CNTN2: variants seen among roughly 807,000 people sequenced by gnomAD.
CNTN2 encodes contactin-2.
CNTN2 carries 53 observed loss-of-function variants against 117.5 expected under a neutral mutation model. The observed-to-expected ratio is 0.45, with a 90% CI of 0.36 to 0.57. The LOEUF (loss-of-function observed/expected upper bound fraction) is 0.57, where lower values mean the gene tolerates loss of function less well. Among genes scored for constraint, CNTN2 ranks in the 20% least tolerant of loss-of-function variants. CNTN2 has a pLI of 0.00. For synonymous variants in CNTN2, 530 were observed against 561.7 expected, an observed-to-expected ratio of 0.94 and a Z score of 0.80; for missense variants, 1,106 against 1,404.3, an observed-to-expected ratio of 0.79 and a Z score of 3.39.
chr1:205,066,968 T>TACTG, intron 15 of CNTN2, 133 bp from the exon 16 acceptor site: 2 of 1,115,856 alleles, frequency 1.8e-6, no homozygotes, highest in Admixed American at 5.5e-5. Flanking sequence ...CTGAAAAAGG[T>TACTG]ACTGAGTGCT....
rs749902758 is a variant in CNTN2 at position 205,062,033 on chromosome 1, A to G, written c.1110+32A>G. 5.6e-6 allele frequency: 9 copies of G among 1,608,182 alleles called. No homozygotes were observed. The East Asian group carries it at 2.0e-4, about 36-fold the overall frequency. On this transcript the variant is annotated intron_variant, in intron 9 of 22. Coordinates refer to ENST00000331830, the MANE Select transcript of CNTN2 (RefSeq NM_005076.5). ...GACATGGGGCTTCCCCCGACACATCACAACTGTCCTCTGCTCACTTGGTTC... is the reference window on the plus strand; with the variant it reads ...GACATGGGGCTTCCCCCGACACATCGCAACTGTCCTCTGCTCACTTGGTTC...
chr1:205,062,066 C>A (rs574440256), intron 9 of CNTN2, 65 bp downstream of exon 9: 1 of 1,561,004 alleles, frequency 6.4e-7, no homozygotes, highest in South Asian at 1.2e-5. Context: ...TTCCCTCCCC[C>A]GCCCAGAACT....
intron 1 of CNTN2, 34 bp from the exon 2 acceptor site, chr1:205,053,058 CGCTCCTCG>C (rs1470568936): frequency 1.7e-6 from 1 of 581,632 alleles, no homozygotes; most frequent in Non-Finnish European, 2.9e-6. Flanking sequence ...CTGGGAGGGG[CGCTCCTCG>C]GCTCAGAGCC....
Position 205,052,862 on chromosome 1 carries a change from G to T in CNTN2, c.-86-238G>T, listed in dbSNP as rs184717031. Among the ~76,000 whole-genome samples, 25 of 152,318 alleles carry T rather than the reference G, an allele frequency of 1.6e-4. No homozygotes were observed. In the East Asian group the frequency reaches 3.5e-3, roughly 21 times the overall value. ...CGGCACCCCACTGGCTGGAATGGGG[G>T]CAGGTGGGGGTACAGGGCTGAGCCA... On this transcript the variant is annotated intron_variant, in intron 1 of 22. Coordinates refer to ENST00000331830, the MANE Select transcript of CNTN2 (RefSeq NM_005076.5).
At position 205,073,807 on chromosome 1, in the gene CNTN2, CCGA is replaced by C. The variant is rs759648812; in HGVS notation, c.*45_*47del. ...TCTGCGCCGCAGCTGGACGCCACCT[CCGA>C]CGGACACAGCCAGCCCCTTCCTGCT... On this transcript the variant is annotated 3_prime_UTR_variant, in exon 23 of 23. Coordinates refer to ENST00000331830, the MANE Select transcript of CNTN2 (RefSeq NM_005076.5). The surrounding 1 kb of genome is among the most constrained non-coding windows in gnomAD (Gnocchi z 6.3). The C allele has an allele frequency of 6.5e-6, 10 of 1,536,904 alleles. No individual in the cohort carries two copies. The South Asian group carries it at 9.0e-5, about 14-fold the overall frequency.
In CNTN2 at chr1:205,061,530, T is replaced by C. The variant is rs539460481; in HGVS notation, c.973+110T>C. ...TCAGGGAGGAGACTGGGAGGCCCCC[T>C]GCATGAGCCTGCTTGCCCTAGGACT... On this transcript the variant is annotated intron_variant, in intron 8 of 22. Transcript: ENST00000331830. This position sits in a 1 kb window ranked among gnomAD's most constrained non-coding sequence, Gnocchi z 4.8. 2 of 1,265,502 alleles carry C rather than the reference T, an allele frequency of 1.6e-6. No individual in the cohort carries two copies. The highest frequency in any genetic ancestry group is 3.0e-5 in the African/African-American group (2 of 67,146). The allele number at this position is 1,265,502 out of a possible 1,614,324, so 78.4% of individuals were successfully genotyped here.
chr1:205,060,943 G>A (rs12037565), intron 7 of CNTN2: 58,838 of 303,084 alleles, frequency 0.19, 7,226 homozygotes, highest in East Asian at 0.49. Context: ...CATGGTGACC[G>A]GTGCGGGAGA....
Position 205,073,046 on chromosome 1 carries a change from C to T in CNTN2, c.2845-22C>T, listed in dbSNP as rs1424209887. On this transcript the variant is annotated intron_variant, in intron 21 of 22. Coordinates refer to ENST00000331830, the MANE Select transcript of CNTN2 (RefSeq NM_005076.5). This position sits in a 1 kb window ranked among gnomAD's most constrained non-coding sequence, Gnocchi z 6.3. ...TCAGCCCTGGTGTCAGGAAACTCCA[C>T]CTGGAAACCTCCTTCCCACAGATGC... The T allele has an allele frequency of 6.2e-7, 1 of 1,613,328 alleles. No individual in the cohort carries two copies. The highest frequency in any genetic ancestry group is 1.1e-5 in the South Asian group (1 of 90,906).
rs2151201122 is a variant in CNTN2 at position 205,073,561 on chromosome 1, C to T, written c.3014-95C>T. ...CGTCCGCTCCCAGGCCTGCAGCTGGCCCTGTGAGTCTCCTTAGGAAAGGTC... is the reference window on the plus strand; with the variant it reads ...CGTCCGCTCCCAGGCCTGCAGCTGGTCCTGTGAGTCTCCTTAGGAAAGGTC... On this transcript the variant is annotated intron_variant, in intron 22 of 22. Coordinates refer to ENST00000331830, the MANE Select transcript of CNTN2 (RefSeq NM_005076.5). The surrounding 1 kb of genome is among the most constrained non-coding windows in gnomAD (Gnocchi z 6.3). 1.8e-6 allele frequency: 2 copies of T among 1,107,104 alleles called. No individual in the cohort carries two copies. Among genetic ancestry groups the T allele is most frequent in the East Asian group, 2.6e-5 (1 of 39,092 alleles). The allele number at this position is 1,107,104 out of a possible 1,614,324, so 68.6% of individuals were successfully genotyped here. A position where few individuals can be genotyped will look rare whatever the true frequency, so the allele number is the denominator to read the frequency against.
chr1:205,066,598 C>T lies in CNTN2; in HGVS notation c.1974C>T (p.Thr658=). The T allele has an allele frequency of 3.7e-6, 6 of 1,613,736 alleles. No individual in the cohort carries two copies. Among genetic ancestry groups the T allele is most frequent in the Non-Finnish European group, 4.2e-6 (5 of 1,179,904 alleles). ...CAGGGAAGTGGAAGCAGGTTCGGAC[C>T]AGTAAGTGTGAGCCCCACCTGGGTC... The part of the protein sequence containing the change: ...PPAGKWKQVR[T]NPANIEGNAE... The change falls in exon 15 of 23, where the codon ACC becomes ACT. Residue 658 remains threonine, a splice_region_variant and synonymous_variant. Coordinates refer to ENST00000331830, the MANE Select transcript of CNTN2 (RefSeq NM_005076.5).
chr1:205,061,325 T>A lies in CNTN2; in HGVS notation c.878T>A (p.Ile293Asn), dbSNP rs1194267736. 1 of 1,613,952 alleles carries A rather than the reference T, an allele frequency of 6.2e-7. No individual in the cohort carries two copies. The highest frequency in any genetic ancestry group is 2.2e-5 in the East Asian group (1 of 44,872). ...QWTTAEPTLQIPSVSFEDEGT... is the reference protein window; with the variant it reads ...QWTTAEPTLQNPSVSFEDEGT... ...ACCACAGCTGAGCCCACCCTGCAGATCCCCAGCGTCAGCTTTGAGGATGAG... is the reference window on the plus strand; with the variant it reads ...ACCACAGCTGAGCCCACCCTGCAGAACCCCAGCGTCAGCTTTGAGGATGAG... The change falls in exon 8 of 23, where the codon ATC (isoleucine) becomes AAC (asparagine). Residue 293 changes from isoleucine (I) to asparagine (N), a missense_variant. By Grantham distance (149) the Ile-to-Asn change is moderately radical (BLOSUM62 -3). Coordinates refer to ENST00000331830, the MANE Select transcript of CNTN2 (RefSeq NM_005076.5). The surrounding 1 kb of genome is among the most constrained non-coding windows in gnomAD (Gnocchi z 4.8).
intron 2 of CNTN2, among the ~76,000 whole-genome samples, chr1:205,055,175 G>A (rs2096459052): frequency 6.6e-6 from 1 of 152,112 alleles, no homozygotes; most frequent in East Asian, 1.9e-4. Context: ...CACCACGCTC[G>A]GCTAATTTTT....
intron 1 of CNTN2, 112 bp downstream of exon 1, chr1:205,043,506 G>C (rs900390127): frequency 1.3e-5 from 2 of 152,440 alleles, no homozygotes; most frequent in African/African-American, 4.8e-5. Flanking sequence ...ACTTGGGAGG[G>C]AACAGGGACA....
Position 205,058,709 on chromosome 1 carries a change from C to T in CNTN2, c.487+46C>T, listed in dbSNP as rs200879845. 1.4e-6 allele frequency: 2 copies of T among 1,437,058 alleles called. No homozygotes were observed. Among genetic ancestry groups the T allele is most frequent in the East Asian group, 4.7e-5 (2 of 42,408 alleles). The allele number at this position is 1,437,058 out of a possible 1,614,324, so 89.0% of individuals were successfully genotyped here. A position where few individuals can be genotyped will look rare whatever the true frequency, so the allele number is the denominator to read the frequency against. On this transcript the variant is annotated intron_variant, in intron 5 of 22. Transcript: ENST00000331830. This position sits in a 1 kb window ranked among gnomAD's most constrained non-coding sequence, Gnocchi z 4.3. Reference sequence around the variant, plus strand: ...AGGGTTAGAGAGGGCACAGGAAGGGCTTCCAGATGCTTGGCAGAGGAAGGA... The same window carrying T: ...AGGGTTAGAGAGGGCACAGGAAGGGTTTCCAGATGCTTGGCAGAGGAAGGA...
At chr1:205,069,450 C>G (rs1199370813) in intron 16 of CNTN2, 41 bp from the exon 17 acceptor site, 1 of 1,599,296 alleles carries the variant, frequency 6.3e-7, no homozygotes, top group African/African-American at 1.3e-5. Context: ...TTTTTCCTTG[C>G]TCATTAACAA....
chr1:205,072,165 C>T (rs1654629157), intron 20 of CNTN2, 32 bp downstream of exon 20: 2 of 1,569,380 alleles, frequency 1.3e-6, no homozygotes, highest in African/African-American at 2.7e-5. Flanking sequence ...GGGGGTAGGG[C>T]AATATTTTGG....
At chr1:205,067,477 T>A (rs975711323) in intron 16 of CNTN2, 4 of 437,672 alleles carry the variant, frequency 9.1e-6, no homozygotes, top group Non-Finnish European at 1.6e-5. Flanking sequence ...ACCTTACAAC[T>A]GCATGTGCAT....
In CNTN2 at chr1:205,053,103, C is replaced by G. The variant is rs369331596; in HGVS notation, c.-83C>G. On this transcript the variant is annotated 5_prime_UTR_variant, in exon 2 of 23. Transcript: ENST00000331830. Reference sequence around the variant, plus strand: ...TCCTTTCTGTCTGCCTCCCCAGGTCCTTTCTCAGCCTCCAGCTGGGCTGTC... The same window carrying G: ...TCCTTTCTGTCTGCCTCCCCAGGTCGTTTCTCAGCCTCCAGCTGGGCTGTC... The G allele has an allele frequency of 7.9e-5, 87 of 1,097,904 alleles. 1 individual carries two copies. The East Asian group carries it at 9.0e-4, about 11-fold the overall frequency. The allele number at this position is 1,097,904 out of a possible 1,614,324, so 68.0% of individuals were successfully genotyped here.
rs954922725 is a variant in CNTN2, at chr1:205,073,479, G to A, written c.3014-177G>A. The A allele has an allele frequency of 2.4e-5, 17 of 720,776 alleles. No homozygotes were observed. The highest frequency in any genetic ancestry group is 3.9e-5 in the Non-Finnish European group (17 of 436,282). The allele number at this position is 720,776 out of a possible 1,614,324, so 44.6% of individuals were successfully genotyped here. A position where few individuals can be genotyped will look rare whatever the true frequency, so the allele number is the denominator to read the frequency against. ...GCAGGGGGAGGCTGAGGACCAACCA[G>A]CAATAGCAAACGGCCTACAAAGCAC... On this transcript the variant is annotated intron_variant, in intron 22 of 22. Coordinates refer to ENST00000331830, the MANE Select transcript of CNTN2 (RefSeq NM_005076.5). This position sits in a 1 kb window ranked among gnomAD's most constrained non-coding sequence, Gnocchi z 6.3.
Sources: gnomAD v4.1 joint callset for allele counts (sites outside exome capture counted in the v4.1 genomes callset) on GRCh38, gnomAD v4.1.1 for gene constraint, Gnocchi (gnomAD v3.1) non-coding constraint, MANE v1.5 for transcripts, NCBI Gene and HGNC (gene_info 2026-07-23, HGNC 2026-07-21) for gene names.